Variants in STRBP observed in about 807,000 individuals in gnomAD.
The protein encoded by STRBP is spermatid perinuclear RNA binding protein.
STRBP carries 13 observed loss-of-function variants against 80.1 expected under a neutral mutation model. The observed-to-expected ratio is 0.16, with a 90% CI of 0.11 to 0.26. STRBP has a LOEUF of 0.26. Among genes scored for constraint, STRBP ranks in the 10% least tolerant of loss-of-function variants. STRBP has a pLI of 1.00. For missense variants in STRBP, 485 were observed against 815.2 expected, an observed-to-expected ratio of 0.59 and a Z score of 4.93; for synonymous variants, 284 against 291.2, an observed-to-expected ratio of 0.98 and a Z score of 0.25.
chr9:123,145,743 C>T (rs1396172463), intron 13 of STRBP, among the ~76,000 whole-genome samples: 1 of 152,120 alleles, frequency 6.6e-6, no homozygotes, highest in Non-Finnish European at 1.5e-5. Context: ...TAGTCTTATT[C>T]CTGGATTTAC....
intron 1 of STRBP, among the ~76,000 whole-genome samples, chr9:123,250,221 T>C (rs1187338875): frequency 6.6e-6 from 1 of 152,216 alleles, no homozygotes; most frequent in Non-Finnish European, 1.5e-5. Flanking sequence ...TTCTTCTTCA[T>C]ATACTTCATC....
chr9:123,122,650 T>A lies in STRBP; in HGVS notation c.*2947A>T. On this transcript the variant is annotated 3_prime_UTR_variant, in exon 19 of 19. Coordinates refer to ENST00000348403, the MANE Select transcript of STRBP (RefSeq NM_018387.5). ...CCTTGCACAAGAGATGGGGTACTCC[T>A]GCAGCCTGAAGAAACACAAGCTGCA... The A allele has an allele frequency of 2.0e-6, 2 of 1,024,554 alleles. No homozygotes were observed. The highest frequency in any genetic ancestry group is 2.3e-6 in the Non-Finnish European group (2 of 855,092). The allele number at this position is 1,024,554 out of a possible 1,614,324, so 63.5% of individuals were successfully genotyped here.
chr9:123,151,571 G>A (rs1252640384), intron 11 of STRBP, among the ~76,000 whole-genome samples: 6 of 152,068 alleles, frequency 3.9e-5, no homozygotes, highest in Non-Finnish European at 8.8e-5. Flanking sequence ...ATTAAGCAAT[G>A]ACATCTAAAT....
intron 9 of STRBP, 48 bp downstream of exon 9, chr9:123,159,048 A>G: frequency 1.4e-6 from 2 of 1,451,404 alleles, no homozygotes; most frequent in Non-Finnish European, 1.9e-6. Context: ...AAAATAAACT[A>G]AACTGAGATT....
At chr9:123,181,355 C>T (rs1276354796) in intron 3 of STRBP, among the ~76,000 whole-genome samples, 2 of 152,226 alleles carry the variant, frequency 1.3e-5, no homozygotes, top group Non-Finnish European at 2.9e-5. Context: ...CCTAGTCCTG[C>T]ACACCGGCCA....
At chr9:123,256,342 C>T (rs895894850) in intron 1 of STRBP, among the ~76,000 whole-genome samples, 2 of 152,082 alleles carry the variant, frequency 1.3e-5, no homozygotes, top group Non-Finnish European at 2.9e-5. Flanking sequence ...ACCTTTATTG[C>T]TTTCCCCCCA....
rs1305357269 is a variant in STRBP at position 123,110,881 on chromosome 9, C to T, written c.*85-1128G>A. 1 of 169,310 alleles carries T rather than the reference C, an allele frequency of 5.9e-6. No homozygotes were observed. The highest frequency in any genetic ancestry group is 1.5e-5 in the Non-Finnish European group (1 of 68,238). 10.5% of individuals were successfully genotyped at this position (169,310 alleles called of 1,614,324 possible). On this transcript the variant is annotated intron_variant and NMD_transcript_variant, in intron 3 of 3. Coordinates refer to the STRBP transcript ENST00000471564. The surrounding 1 kb of genome is among the most constrained non-coding windows in gnomAD (Gnocchi z 4.1). ...AGGTCCCATCCCTGAGAAGCTGCCACATGAAGTGAGCTAAGGGAAAAGCAG... is the reference window on the plus strand; with the variant it reads ...AGGTCCCATCCCTGAGAAGCTGCCATATGAAGTGAGCTAAGGGAAAAGCAG...
intron 2 of STRBP, among the ~76,000 whole-genome samples, chr9:123,201,271 CCT>C (rs1206506583): frequency 6.6e-6 from 1 of 151,774 alleles, no homozygotes; most frequent in Non-Finnish European, 1.5e-5. Flanking sequence ...GCTTTTTGTT[CCT>C]GTTTCTCCAG....
intron 2 of STRBP, among the ~76,000 whole-genome samples, chr9:123,219,775 TAAC>T (rs1217939433): frequency 6.6e-6 from 1 of 152,216 alleles, no homozygotes; most frequent in Non-Finnish European, 1.5e-5. Context: ...TCATCTGTAC[TAAC>T]AACAATAAAA....
intron 6 of STRBP, among the ~76,000 whole-genome samples, chr9:123,162,548 A>T (rs1035199255): frequency 3.0e-4 from 46 of 152,206 alleles, no homozygotes; most frequent in African/African-American, 1.0e-3. Flanking sequence ...AAATGTCATT[A>T]AAAAAGGCAT....
intron 5 of STRBP, 109 bp from the exon 6 acceptor site, chr9:123,170,155 G>T: frequency 9.4e-7 from 1 of 1,062,838 alleles, no homozygotes. Flanking sequence ...TAATATTACT[G>T]TGCTCAAAGG....
At chr9:123,128,576 T>C (rs911540545) in intron 17 of STRBP, among the ~76,000 whole-genome samples, 20 of 152,364 alleles carry the variant, frequency 1.3e-4, no homozygotes, top group Middle Eastern at 3.4e-3. Context: ...TAGAGTAGCA[T>C]AGACCTGGTC....
At chr9:123,246,292 T>A (rs2040798540) in intron 1 of STRBP, among the ~76,000 whole-genome samples, 1 of 152,102 alleles carries the variant, frequency 6.6e-6, no homozygotes, top group Non-Finnish European at 1.5e-5. Flanking sequence ...AAACCTTAAT[T>A]TAAAACTAAA....
chr9:123,221,338 G>A (rs991607644), intron 2 of STRBP, among the ~76,000 whole-genome samples: 7 of 152,246 alleles, frequency 4.6e-5, no homozygotes, highest in Middle Eastern at 3.4e-3. Flanking sequence ...TGCTCTTCAC[G>A]CTCTATCAGT....
intron 2 of STRBP, among the ~76,000 whole-genome samples, chr9:123,216,871 T>C (rs552960354): frequency 6.6e-6 from 1 of 152,288 alleles, no homozygotes; most frequent in African/African-American, 2.4e-5. Context: ...CAGTCTCTAT[T>C]TTAAGGTTTA....
intron 2 of STRBP, among the ~76,000 whole-genome samples, chr9:123,230,173 T>C (rs1335976819): frequency 2.6e-5 from 4 of 151,974 alleles, no homozygotes; most frequent in Non-Finnish European, 4.4e-5. Flanking sequence ...AGATCTGGGG[T>C]CCATGGTCTG....
chr9:123,175,540 G>T (rs2038183655), intron 4 of STRBP, among the ~76,000 whole-genome samples: 2 of 152,184 alleles, frequency 1.3e-5, no homozygotes, highest in East Asian at 3.8e-4. Context: ...AATGTTAAAG[G>T]TGGTATAAAT....
intron 13 of STRBP, among the ~76,000 whole-genome samples, chr9:123,141,058 T>C (rs1267683426): frequency 6.6e-6 from 1 of 152,222 alleles, no homozygotes; most frequent in Non-Finnish European, 1.5e-5. Context: ...CTGTTTTAAG[T>C]TGCTGAGATT....
downstream of STRBP, among the ~76,000 whole-genome samples, chr9:123,119,675 C>G (rs761326845): frequency 5.3e-5 from 8 of 152,124 alleles, no homozygotes; most frequent in Admixed American, 3.9e-4. Flanking sequence ...GTTGGCAGAG[C>G]CTTGCCCTCC....
Sources: gnomAD v4.1 joint callset for allele counts (sites outside exome capture counted in the v4.1 genomes callset) on GRCh38, gnomAD v4.1.1 for gene constraint, Gnocchi (gnomAD v3.1) non-coding constraint, MANE v1.5 for transcripts, NCBI Gene and HGNC (gene_info 2026-07-23, HGNC 2026-07-21) for gene names.